TYW1: variants seen among roughly 807,000 people sequenced by gnomAD.
TYW1 encodes S-adenosyl-L-methionine-dependent tRNA 4-demethylwyosine synthase TYW1.
In TYW1, 46 loss-of-function variants were observed where a neutral mutation model predicts 96.2. The observed-to-expected ratio is 0.48, with a 90% CI of 0.38 to 0.61. TYW1 has a LOEUF of 0.61. Among genes scored for constraint, TYW1 ranks in the 20% least tolerant of loss-of-function variants. The pLI is 0.00. For missense variants in TYW1, 684 were observed against 909.6 expected, an observed-to-expected ratio of 0.75 and a Z score of 3.19; for synonymous variants, 274 against 323.0, an observed-to-expected ratio of 0.85 and a Z score of 1.63.
intron 5 of TYW1, among the ~76,000 whole-genome samples, chr7:67,017,357 T>G (rs1794060594): frequency 6.6e-6 from 1 of 152,174 alleles, no homozygotes; most frequent in South Asian, 2.1e-4. Context: ...TAACTATGCC[T>G]CTGATAACTC....
At chr7:67,063,716 G>C (rs1376598775) in intron 9 of TYW1, among the ~76,000 whole-genome samples, 1 of 151,860 alleles carries the variant, frequency 6.6e-6, no homozygotes, top group Non-Finnish European at 1.5e-5. Flanking sequence ...TCATTCTCCT[G>C]CCTCAGCCTC....
At chr7:67,050,118 A>G (rs1795309945) in intron 8 of TYW1, 52 bp downstream of exon 8, 1 of 1,590,502 alleles carries the variant, frequency 6.3e-7, no homozygotes, top group Non-Finnish European at 8.6e-7. Context: ...AGGCATTCTC[A>G]TTTGATACCT....
At chr7:67,177,355 A>G (rs564686143) in intron 13 of TYW1, among the ~76,000 whole-genome samples, 2 of 152,124 alleles carry the variant, frequency 1.3e-5, no homozygotes, top group African/African-American at 4.8e-5. Flanking sequence ...AGAAACGCTA[A>G]TAAGGAAAGA....
At chr7:67,004,869 C>G (rs1304317783) in intron 3 of TYW1, among the ~76,000 whole-genome samples, 1 of 152,142 alleles carries the variant, frequency 6.6e-6, no homozygotes, top group Non-Finnish European at 1.5e-5. Flanking sequence ...GATTCTCCTG[C>G]CTCAGCCTCC....
intron 7 of TYW1, among the ~76,000 whole-genome samples, chr7:67,044,781 G>A (rs1795136191): frequency 1.3e-5 from 2 of 151,856 alleles, no homozygotes; most frequent in African/African-American, 4.8e-5. Context: ...CACCATGCCC[G>A]GCTAATTTTT....
intron 15 of TYW1, among the ~76,000 whole-genome samples, chr7:67,209,200 G>A (rs1800915204): frequency 6.6e-6 from 1 of 152,204 alleles, no homozygotes; most frequent in African/African-American, 2.4e-5. Context: ...AGGTAAATGA[G>A]CCTGCATGTT....
At chr7:67,194,814 C>T (rs1584681061) in intron 14 of TYW1, among the ~76,000 whole-genome samples, 1 of 146,716 alleles carries the variant, frequency 6.8e-6, no homozygotes, top group Non-Finnish European at 1.5e-5. Flanking sequence ...GGTGATAACC[C>T]CTTCATAATT....
intron 13 of TYW1, among the ~76,000 whole-genome samples, chr7:67,165,365 G>C (rs933769000): frequency 6.6e-6 from 1 of 152,036 alleles, no homozygotes; most frequent in Non-Finnish European, 1.5e-5. Flanking sequence ...AGCACTGAAA[G>C]CTGCCTAATT....
chr7:67,210,348 C>T (rs1584700076), intron 15 of TYW1, among the ~76,000 whole-genome samples: 1 of 152,330 alleles, frequency 6.6e-6, no homozygotes, highest in East Asian at 1.9e-4. Flanking sequence ...CACGCACCTA[C>T]TGCCAGCATG....
chr7:67,090,081 G>C (rs1796666478), intron 11 of TYW1, among the ~76,000 whole-genome samples: 1 of 152,108 alleles, frequency 6.6e-6, no homozygotes, highest in Admixed American at 6.6e-5. Context: ...TATACTTTAG[G>C]CTAGAAGCAA....
At chr7:67,094,210 T>C (rs1424605844) in intron 11 of TYW1, among the ~76,000 whole-genome samples, 7 of 152,226 alleles carry the variant, frequency 4.6e-5, no homozygotes, top group Non-Finnish European at 8.8e-5. Flanking sequence ...TTCCATGGTG[T>C]ATATGTACCA....
intron 7 of TYW1, among the ~76,000 whole-genome samples, chr7:67,039,600 A>G (rs1036238813): frequency 5.9e-5 from 9 of 152,152 alleles, no homozygotes; most frequent in African/African-American, 1.9e-4. Flanking sequence ...GTTGTTGTAT[A>G]TGAAAGTGCT....
At chr7:67,205,164 T>C (rs1367027406) in intron 15 of TYW1, among the ~76,000 whole-genome samples, 1 of 152,140 alleles carries the variant, frequency 6.6e-6, no homozygotes, top group African/African-American at 2.4e-5. Flanking sequence ...ACTGTGGGGA[T>C]GGCATGAGAG....
At chr7:67,054,673 CA>C (rs1795455844) in intron 8 of TYW1, among the ~76,000 whole-genome samples, 1 of 151,270 alleles carries the variant, frequency 6.6e-6, no homozygotes, top group Non-Finnish European at 1.5e-5. Flanking sequence ...CTTATGCTGT[CA>C]TCCAGACTGT....
chr7:67,016,269 C>T lies in TYW1; in HGVS notation c.571-1584C>T, dbSNP rs185666136. 2.0e-3 allele frequency among the ~76,000 whole-genome samples: 275 copies of T among 140,234 alleles called. 2 individuals are homozygous for T. The highest frequency in any genetic ancestry group is 2.4e-3 in the Non-Finnish European group (156 of 65,062). 92.0% of individuals were successfully genotyped at this position (140,234 alleles called of 152,430 possible). ...GTTTTTTTTAAAAGCTGTTTACGGC[C>T]GGGCGCAGTGGCACACTCCTGTAAT... On this transcript the variant is annotated intron_variant, in intron 5 of 15. Transcript: ENST00000359626.
At chr7:67,111,835 C>T (rs1314870442) in intron 12 of TYW1, among the ~76,000 whole-genome samples, 1 of 152,126 alleles carries the variant, frequency 6.6e-6, no homozygotes, top group African/African-American at 2.4e-5. Flanking sequence ...CGTGGTGGCT[C>T]ACACCCATAA....
chr7:67,147,916 C>CA (rs1405245367), intron 13 of TYW1, among the ~76,000 whole-genome samples: 1 of 148,136 alleles, frequency 6.8e-6, no homozygotes. Flanking sequence ...AGGAAAGAAT[C>CA]AAGGTAAAAG....
intron 15 of TYW1, among the ~76,000 whole-genome samples, chr7:67,225,001 G>A (rs1411413782): frequency 6.6e-6 from 1 of 152,018 alleles, no homozygotes; most frequent in Non-Finnish European, 1.5e-5. Context: ...GACCAGTCTG[G>A]CCAACATGGC....
At chr7:67,135,302 GTTTTTTTTTTTT>G (rs869257148) in intron 13 of TYW1, among the ~76,000 whole-genome samples, 75 of 111,828 alleles carry the variant, frequency 6.7e-4, no homozygotes, top group African/African-American at 2.7e-3. Context: ...TGTTAAAACA[GTTTTTTTTTTTT>G]TTTTTTTTGA....
Sources: gnomAD v4.1 joint callset for allele counts (sites outside exome capture counted in the v4.1 genomes callset) on GRCh38, gnomAD v4.1.1 for gene constraint, MANE v1.5 for transcripts, NCBI Gene and HGNC (gene_info 2026-07-23, HGNC 2026-07-21) for gene names.